Variants in SSBP1 observed in about 807,000 individuals in gnomAD.
SSBP1 encodes single stranded DNA binding protein 1.
A neutral mutation model predicts 27.0 loss-of-function variants in SSBP1; 20 were observed. The ratio of observed to expected loss-of-function variants is 0.74; its 90% CI spans 0.52 to 1.08. SSBP1 has a LOEUF of 1.08. SSBP1 is among the 50% of genes least tolerant of loss of function. SSBP1 has a pLI of 0.00. For synonymous variants in SSBP1, 59 were observed against 59.3 expected (o/e 1.00, Z 0.02); for missense variants, 137 against 182.4 (o/e 0.75, Z 1.44).
At chr7:141,746,767 T>C (rs1245419038) in intron 6 of SSBP1, among the ~76,000 whole-genome samples, 1 of 152,242 alleles carries the variant, frequency 6.6e-6, no homozygotes, top group African/African-American at 2.4e-5. Context: ...GCTATAAGAA[T>C]TTTGAAAATA....
At chr7:141,739,840 C>T (rs558017208) in intron 2 of SSBP1, 2 of 152,298 alleles carry the variant, frequency 1.3e-5, no homozygotes, top group African/African-American at 4.8e-5. Context: ...CTGTCATTTT[C>T]CCCACCTTAA....
chr7:141,743,475 G>A, intron 3 of SSBP1, 86 bp from the exon 4 acceptor site: 11 of 1,501,604 alleles, frequency 7.3e-6, no homozygotes, highest in Non-Finnish European at 9.1e-6. Flanking sequence ...GAGGGTTAGA[G>A]CTTCAACATA....
intron 6 of SSBP1, 141 bp from the exon 7 acceptor site, chr7:141,750,170 A>T (rs534859034): frequency 1.5e-5 from 10 of 662,896 alleles, no homozygotes; most frequent in South Asian, 1.3e-4. Flanking sequence ...TCGTGAGCAT[A>T]GCAAGTGATT....
Position 141,750,447 on chromosome 7 carries a change from C to T in SSBP1, c.*93C>T, listed in dbSNP as rs1343926672. 6.7e-6 allele frequency: 7 copies of T among 1,050,616 alleles called. No individual in the cohort carries two copies. The South Asian group carries it at 8.2e-5, about 12-fold the overall frequency. The allele number at this position is 1,050,616 out of a possible 1,614,324, so 65.1% of individuals were successfully genotyped here. The stretch of plus-strand genomic sequence containing the variant: ...GCTTCCAAGGACAAGAATTAAAATA[C>T]TCTTTTACGTAAAATGAGTAATAAT... On this transcript the variant is annotated 3_prime_UTR_variant, in exon 7 of 7. Transcript: ENST00000265304.
intron 5 of SSBP1, 120 bp from the exon 6 acceptor site, chr7:141,745,376 A>G: frequency 1.2e-6 from 1 of 808,184 alleles, no homozygotes; most frequent in Non-Finnish European, 1.8e-6. Context: ...GTGGTAGCAA[A>G]AATTAGCTTA....
chr7:141,745,610 T>G (rs776466669), intron 6 of SSBP1, 26 bp downstream of exon 6: 1 of 1,612,434 alleles, frequency 6.2e-7, no homozygotes, highest in Non-Finnish European at 8.5e-7. Context: ...AAATAGCTGT[T>G]TTTTTCTTTT....
intron 2 of SSBP1, chr7:141,739,984 A>G (rs1799465353): frequency 6.6e-6 from 1 of 152,224 alleles, no homozygotes; most frequent in Non-Finnish European, 1.5e-5. Context: ...TTTAAATAAG[A>G]GTTAAAAGTT....
At chr7:141,744,516 TA>T (rs1799695326) in intron 5 of SSBP1, among the ~76,000 whole-genome samples, 1 of 152,208 alleles carries the variant, frequency 6.6e-6, no homozygotes, top group Non-Finnish European at 1.5e-5. Context: ...TGAGTATGTA[TA>T]AAAAGTATGT....
At chr7:141,749,280 G>A (rs907455572) in intron 6 of SSBP1, among the ~76,000 whole-genome samples, 8 of 152,184 alleles carry the variant, frequency 5.3e-5, no homozygotes, top group Admixed American at 1.3e-4. Context: ...TCAGGGACTT[G>A]AGCATTGTGG....
chr7:141,749,488 TAA>T (rs1192495974), intron 6 of SSBP1, among the ~76,000 whole-genome samples: 3 of 152,210 alleles, frequency 2.0e-5, no homozygotes, highest in African/African-American at 7.2e-5. Context: ...ATTGGTATAT[TAA>T]AATTATTCTG....
At chr7:141,739,980 T>G (rs964562393) in intron 2 of SSBP1, 1 of 134,146 alleles carries the variant, frequency 7.5e-6, no homozygotes, top group African/African-American at 2.8e-5. Flanking sequence ...TGTCTTTAAA[T>G]AAGAGTTAAA....
chr7:141,741,679 T>TAA, intron 2 of SSBP1: 163 of 604,258 alleles, frequency 2.7e-4, no homozygotes, highest in Non-Finnish European at 3.1e-4. Flanking sequence ...TTGTTTATAC[T>TAA]AAAAAAAAAA....
Position 141,748,660 on chromosome 7 carries a change from GT to G in SSBP1, c.404-1643del, listed in dbSNP as rs971960161. On this transcript the variant is annotated intron_variant, in intron 6 of 6. Transcript: ENST00000265304. The stretch of plus-strand genomic sequence containing the variant: ...AGCATTTCAGATGATATGCTGTTTT[GT>G]TTTTTTTCCTTGTCACTAGGTTCCA... 1.3e-4 allele frequency among the ~76,000 whole-genome samples: 20 copies of G among 151,900 alleles called. No homozygotes were observed. The East Asian group carries it at 3.7e-3, about 28-fold the overall frequency.
chr7:141,740,949 G>C (rs1213067053), intron 2 of SSBP1: 1 of 152,172 alleles, frequency 6.6e-6, no homozygotes, highest in Non-Finnish European at 1.5e-5. Flanking sequence ...GCAACCAGGG[G>C]AAGGCAGTTT....
chr7:141,739,101 CTTATT>C lies in SSBP1; in HGVS notation c.-43-20_-43-16del, dbSNP rs1035500681. 3.2e-5 allele frequency: 46 copies of C among 1,442,674 alleles called. No homozygotes were observed. The highest frequency in any genetic ancestry group is 4.3e-4 in the Middle Eastern group (2 of 4,622). 89.4% of individuals were successfully genotyped at this position (1,442,674 alleles called of 1,614,324 possible). A position where few individuals can be genotyped will look rare whatever the true frequency, so the allele number is the denominator to read the frequency against. On this transcript the variant is annotated intron_variant, in intron 1 of 6. Transcript: ENST00000265304. ...TTGCCATAAGAGGTAATGTTTTTTT[CTTATT>C]TTGTTTTTTTCCTTCAGGAAAAGCC...
intron 2 of SSBP1, 64 bp downstream of exon 2, chr7:141,739,254 C>A: frequency 7.2e-7 from 1 of 1,393,736 alleles, no homozygotes; most frequent in Non-Finnish European, 9.7e-7. Context: ...CAGAAGACTT[C>A]TTTAGGCTTT....
chr7:141,744,423 A>G (rs1380661926), intron 5 of SSBP1, among the ~76,000 whole-genome samples: 1 of 152,220 alleles, frequency 6.6e-6, no homozygotes, highest in Admixed American at 6.5e-5. Context: ...GAAGCCTGAC[A>G]TGCCAACTTC....
At chr7:141,744,052 T>C in intron 5 of SSBP1, 63 bp downstream of exon 5, 2 of 1,451,806 alleles carry the variant, frequency 1.4e-6, no homozygotes, top group East Asian at 4.6e-5. Context: ...AGAAGTGTTC[T>C]CATGGCAAGG....
In SSBP1 at chr7:141,745,474, CTG is replaced by C. The variant is rs1799746199; in HGVS notation, c.315-20_315-19del. 4.4e-6 allele frequency: 7 copies of C among 1,573,112 alleles called. No individual in the cohort carries two copies. The highest frequency in any genetic ancestry group is 1.4e-5 in the African/African-American group (1 of 73,192). On this transcript the variant is annotated intron_variant, in intron 5 of 6. Coordinates refer to ENST00000265304, the MANE Select transcript of SSBP1 (RefSeq NM_003143.3). ...AGCATATTAAGATCTCAACTAAAAA[CTG>C]TACATTTTATTTATATCAGGTCTCG...
Sources: allele counts gnomAD v4.1 joint callset (sites outside exome capture counted in the v4.1 genomes callset), GRCh38; gene constraint gnomAD v4.1.1; transcripts MANE v1.5; gene names NCBI Gene and HGNC (gene_info 2026-07-23, HGNC 2026-07-21).